Variants in MCUB observed in about 807,000 individuals in gnomAD.
The protein encoded by MCUB is calcium uniporter regulatory subunit MCUb, mitochondrial.
Under a neutral mutation model 41.4 loss-of-function variants are expected in MCUB, and 46 were observed. The ratio of observed to expected loss-of-function variants is 1.11; its 90% CI spans 0.88 to 1.42. The LOEUF is 1.42. Ranked by LOEUF, MCUB falls within the 40% of genes most tolerant of loss-of-function variation. The pLI is 0.00. For synonymous variants in MCUB, 148 were observed against 148.2 expected, an observed-to-expected ratio of 1.00 and a Z score of 0.01; for missense variants, 403 against 404.9, an observed-to-expected ratio of 1.00 and a Z score of 0.04.
Position 109,687,345 on chromosome 4 carries a change from T to C in MCUB, c.934-170T>C, listed in dbSNP as rs535567081. On this transcript the variant is annotated intron_variant, in intron 7 of 7. Coordinates refer to ENST00000394650, the MANE Select transcript of MCUB (RefSeq NM_017918.5). ...CTGCACTCCTGCCTGGGTGACAGAA[T>C]GAAACCCCATCTCAAGAAAAATATA... Among the ~76,000 whole-genome samples, 3 of 152,216 alleles carry C rather than the reference T, an allele frequency of 2.0e-5. No individual in the cohort carries two copies. The South Asian group carries it at 6.2e-4, about 32-fold the overall frequency.
intron 1 of MCUB, 87 bp downstream of exon 1, chr4:109,560,523 C>T (rs747352414): frequency 3.2e-6 from 2 of 630,894 alleles, no homozygotes; most frequent in Non-Finnish European, 2.3e-6. Flanking sequence ...AAAAGCCGAG[C>T]GGCCGAGCAG....
intron 1 of MCUB, among the ~76,000 whole-genome samples, chr4:109,571,049 A>T (rs951181935): frequency 1.3e-5 from 2 of 152,210 alleles, no homozygotes; most frequent in Non-Finnish European, 2.9e-5. Flanking sequence ...GACATGATGG[A>T]TGAAAAGGAA....
chr4:109,560,889 C>A lies in MCUB; in HGVS notation c.99+453C>A, dbSNP rs149327743. On this transcript the variant is annotated intron_variant, in intron 1 of 7. Coordinates refer to ENST00000394650, the MANE Select transcript of MCUB (RefSeq NM_017918.5). ...ACGATGAACGGGGCAGTGACCGTCCCGGGTGTGGACGGTCGCAGGAGAGTG... is the reference window on the plus strand; with the variant it reads ...ACGATGAACGGGGCAGTGACCGTCCAGGGTGTGGACGGTCGCAGGAGAGTG... 531 of 154,270 alleles carry A rather than the reference C, an allele frequency of 3.4e-3. 2 individuals are homozygous for A. Among genetic ancestry groups the A allele is most frequent in the African/African-American group, 0.011 (453 of 41,648 alleles). 9.6% of individuals were successfully genotyped at this position (154,270 alleles called of 1,614,324 possible). A position where few individuals can be genotyped will look rare whatever the true frequency, so the allele number is the denominator to read the frequency against.
chr4:109,616,560 CTT>C (rs1728132548), intron 1 of MCUB, among the ~76,000 whole-genome samples: 1 of 152,138 alleles, frequency 6.6e-6, no homozygotes, highest in Non-Finnish European at 1.5e-5. Flanking sequence ...GGACCTGACA[CTT>C]TAAACATGTT....
chr4:109,610,592 A>G (rs1273597303), intron 1 of MCUB, among the ~76,000 whole-genome samples: 1 of 152,182 alleles, frequency 6.6e-6, no homozygotes, highest in Non-Finnish European at 1.5e-5. Flanking sequence ...TGACATTAGT[A>G]TAGTTGTAAA....
chr4:109,596,812 G>A (rs1008684081), intron 1 of MCUB, among the ~76,000 whole-genome samples: 12 of 150,694 alleles, frequency 8.0e-5, no homozygotes, highest in African/African-American at 2.9e-4. Flanking sequence ...GGACAATAGT[G>A]GAGGGAAGGT....
In MCUB at chr4:109,571,652, T is replaced by C. The variant is rs559739156; in HGVS notation, c.99+11216T>C. ...TTTTTTCCCTCTTAGGAAATGGTTC[T>C]GTGATGAGCTCTACAGGTCAAGCAG... On this transcript the variant is annotated intron_variant, in intron 1 of 7. Transcript: ENST00000394650. Among the ~76,000 whole-genome samples, 4 of 152,368 alleles carry C rather than the reference T, an allele frequency of 2.6e-5. No homozygotes were observed. The East Asian group carries it at 7.7e-4, about 29-fold the overall frequency.
At position 109,687,729 on chromosome 4, in the gene MCUB, G is replaced by T; in HGVS notation, c.*137G>T. ...TTGTAAAACAGAAGTATTGTTTGAA[G>T]TTCTCAACTGAGATTTTTACTTTTT... is the stretch of plus-strand genomic sequence containing the variant. On this transcript the variant is annotated 3_prime_UTR_variant, in exon 8 of 8. Coordinates refer to ENST00000394650, the MANE Select transcript of MCUB (RefSeq NM_017918.5). 1.6e-6 allele frequency: 1 copy of T among 620,298 alleles called. No individual in the cohort carries two copies. The highest frequency in any genetic ancestry group is 2.8e-6 in the Non-Finnish European group (1 of 357,400). 38.4% of individuals were successfully genotyped at this position (620,298 alleles called of 1,614,324 possible).
At chr4:109,574,909 T>A (rs1392844877) in intron 1 of MCUB, among the ~76,000 whole-genome samples, 1 of 152,102 alleles carries the variant, frequency 6.6e-6, no homozygotes, top group African/African-American at 2.4e-5. Flanking sequence ...CAGAGATGGA[T>A]TGGGTAAGAC....
At chr4:109,601,778 CTAGCTTTATTTT>C (rs1727751061) in intron 1 of MCUB, among the ~76,000 whole-genome samples, 1 of 152,034 alleles carries the variant, frequency 6.6e-6, no homozygotes, top group African/African-American at 2.4e-5. Flanking sequence ...GGATCATATG[CTAGCTTTATTTT>C]TAGTTTTCTG....
intron 1 of MCUB, among the ~76,000 whole-genome samples, chr4:109,634,559 A>C (rs1300360391): frequency 6.6e-6 from 1 of 151,508 alleles, no homozygotes; most frequent in Non-Finnish European, 1.5e-5. Context: ...TGTTACCACC[A>C]TTGTGACTTC....
chr4:109,582,938 C>A (rs1368079812), intron 1 of MCUB, among the ~76,000 whole-genome samples: 6 of 152,054 alleles, frequency 3.9e-5, no homozygotes, highest in African/African-American at 1.4e-4. Context: ...GTTTTGGTAC[C>A]AGTGCCATGC....
At position 109,596,527 on chromosome 4, in the gene MCUB, A is replaced by G. The variant is rs1223414652; in HGVS notation, c.99+36091A>G. Among the ~76,000 whole-genome samples, 3 of 151,992 alleles carry G rather than the reference A, an allele frequency of 2.0e-5. No individual in the cohort carries two copies. The East Asian group carries it at 5.8e-4, about 30-fold the overall frequency. On this transcript the variant is annotated intron_variant, in intron 1 of 7. Transcript: ENST00000394650. Reference sequence around the variant, plus strand: ...CAGCCCTTAGGAGTTGATGATCTCAATGTGGAACTGCAGTTGCCATCCACA... The same window carrying G: ...CAGCCCTTAGGAGTTGATGATCTCAGTGTGGAACTGCAGTTGCCATCCACA...
At chr4:109,561,379 TC>T (rs560340348) in intron 1 of MCUB, among the ~76,000 whole-genome samples, 3 of 152,026 alleles carry the variant, frequency 2.0e-5, no homozygotes, top group South Asian at 4.1e-4. Context: ...TTTTTTTCCT[TC>T]CCCCCCTTTT....
intron 1 of MCUB, among the ~76,000 whole-genome samples, chr4:109,646,487 G>A (rs1442458894): frequency 1.3e-5 from 2 of 152,106 alleles, no homozygotes; most frequent in African/African-American, 2.4e-5. Flanking sequence ...ATTCTAAACT[G>A]GTTTCCACCC....
intron 4 of MCUB, among the ~76,000 whole-genome samples, chr4:109,673,465 A>G (rs1464976071): frequency 6.6e-6 from 1 of 152,230 alleles, no homozygotes; most frequent in Non-Finnish European, 1.5e-5. Context: ...ATGGGAGGTC[A>G]GTGAGCCCAG....
chr4:109,588,894 G>T (rs940127628), intron 1 of MCUB, among the ~76,000 whole-genome samples: 3 of 152,108 alleles, frequency 2.0e-5, no homozygotes, highest in Non-Finnish European at 2.9e-5. Flanking sequence ...TGATAAAAAG[G>T]AAGTGTAATA....
chr4:109,672,050 A>G (rs967808775), intron 4 of MCUB, among the ~76,000 whole-genome samples: 1 of 151,914 alleles, frequency 6.6e-6, no homozygotes, highest in Non-Finnish European at 1.5e-5. Context: ...TATTGAGGAG[A>G]GGAATCATTC....
At chr4:109,643,275 T>TC (rs35765265) in intron 1 of MCUB, among the ~76,000 whole-genome samples, 69,611 of 151,164 alleles carry the variant, frequency 0.46, 16,548 homozygotes, top group African/African-American at 0.57. Context: ...AACTTCTGCC[T>TC]CCGGATTCAA....
Sources: gnomAD v4.1 joint callset for allele counts (sites outside exome capture counted in the v4.1 genomes callset) on GRCh38, gnomAD v4.1.1 for gene constraint, MANE v1.5 for transcripts, NCBI Gene and HGNC (gene_info 2026-07-23, HGNC 2026-07-21) for gene names.